Variants in PRKN observed in about 807,000 individuals in gnomAD.
The protein encoded by PRKN is E3 ubiquitin-protein ligase parkin.
Under a neutral mutation model 59.5 loss-of-function variants are expected in PRKN, and 56 were observed. That is an observed-to-expected ratio of 0.94 (90% CI 0.76 to 1.18). The LOEUF (loss-of-function observed/expected upper bound fraction) is 1.18, where lower values mean the gene tolerates loss of function less well. Ranked by LOEUF, PRKN falls within the 50% of genes most tolerant of loss-of-function variation. The pLI, the probability that PRKN is intolerant of heterozygous loss-of-function variation, is 0.00. For synonymous variants in PRKN, 250 were observed against 222.1 expected (o/e 1.13, Z -1.12); for missense variants, 657 against 596.4 (o/e 1.10, Z -1.06).
chr6:162,303,905 T>A (rs545611782), intron 2 of PRKN, among the ~76,000 whole-genome samples: 1 of 152,116 alleles, frequency 6.6e-6, no homozygotes, highest in Admixed American at 6.6e-5. Flanking sequence ...AGGATAGGAA[T>A]GAGGAGGGAG....
At chr6:161,815,434 C>T (rs940843318) in intron 6 of PRKN, among the ~76,000 whole-genome samples, 5 of 152,096 alleles carry the variant, frequency 3.3e-5, no homozygotes, top group South Asian at 2.1e-4. Flanking sequence ...ACTTTTTGTT[C>T]CTGGTGGTTA....
chr6:162,613,517 G>A (rs1006851997), intron 1 of PRKN, among the ~76,000 whole-genome samples: 13 of 152,100 alleles, frequency 8.5e-5, no homozygotes, highest in African/African-American at 2.4e-4. Flanking sequence ...GTTGTTTAAC[G>A]GTGAGCTGCC....
At chr6:162,521,742 A>T (rs1318377565) in intron 1 of PRKN, among the ~76,000 whole-genome samples, 1 of 152,120 alleles carries the variant, frequency 6.6e-6, no homozygotes, top group Non-Finnish European at 1.5e-5. Flanking sequence ...AGTTTTGTCA[A>T]CCAAATACTT....
intron 1 of PRKN, among the ~76,000 whole-genome samples, chr6:162,539,716 G>A (rs532516226): frequency 1.3e-5 from 2 of 152,202 alleles, no homozygotes; most frequent in East Asian, 1.9e-4. Flanking sequence ...TCACATCTAC[G>A]TAGAGAAAAT....
rs543719868 is a variant in PRKN, at chr6:161,759,313, T to C, written c.871+26459A>G. Among the ~76,000 whole-genome samples the C allele has an allele frequency of 4.6e-5, 7 of 152,234 alleles. No homozygotes were observed. In the East Asian group the frequency reaches 1.4e-3, roughly 29 times the overall value. On this transcript the variant is annotated intron_variant, in intron 7 of 11. Transcript: ENST00000366898. The stretch of plus-strand genomic sequence containing the variant: ...CGCCTGCATCTTCCCCCTCAGTAAC[T>C]AGGATCTAGGGGCTTCCTAGGTCAG...
intron 4 of PRKN, among the ~76,000 whole-genome samples, chr6:162,125,798 T>G (rs1781101607): frequency 1.3e-5 from 2 of 152,196 alleles, no homozygotes; most frequent in African/African-American, 2.4e-5. Context: ...TCAATAAGTA[T>G]TTGTTGAATG....
chr6:161,520,246 A>G (rs188977938), intron 9 of PRKN, among the ~76,000 whole-genome samples: 1,972 of 42,762 alleles, frequency 0.046, 48 homozygotes, highest in African/African-American at 0.11. Context: ...TTTTTTTGAG[A>G]AAGAGTCTTG....
intron 9 of PRKN, among the ~76,000 whole-genome samples, chr6:161,494,098 C>G (rs1292852696): frequency 6.6e-6 from 1 of 152,220 alleles, no homozygotes. Context: ...CTTGCAGACA[C>G]AGCCTATACT....
chr6:162,516,811 A>G (rs1019534691), intron 1 of PRKN, among the ~76,000 whole-genome samples: 5 of 152,044 alleles, frequency 3.3e-5, no homozygotes, highest in Admixed American at 2.0e-4. Flanking sequence ...AACATTTCTT[A>G]TTGAAACATT....
chr6:161,429,596 C>G lies in PRKN; in HGVS notation c.1084-42719G>C, dbSNP rs572467602. Among the ~76,000 whole-genome samples, 52 of 152,104 alleles carry G rather than the reference C, an allele frequency of 3.4e-4. No individual in the cohort carries two copies. Among genetic ancestry groups the G allele is most frequent in the African/African-American group, 1.2e-3 (49 of 41,478 alleles). On this transcript the variant is annotated intron_variant, in intron 9 of 11. Transcript: ENST00000366898. This position sits in a 1 kb window ranked among gnomAD's most constrained non-coding sequence, Gnocchi z 4.2. ...GAACTAGAAGAACCTGGATGTGAAG[C>G]GGGAGGGCCAGGGAGGCCACGGAGA...
chr6:161,672,330 C>T (rs766722855), intron 7 of PRKN, among the ~76,000 whole-genome samples: 17 of 152,184 alleles, frequency 1.1e-4, no homozygotes, highest in Non-Finnish European at 2.4e-4. Flanking sequence ...GATAATAAAA[C>T]TTTATGCCCA....
In PRKN at chr6:162,151,494, G is replaced by C. The variant is rs556873462; in HGVS notation, c.534+49637C>G. Among the ~76,000 whole-genome samples, 5 of 152,278 alleles carry C rather than the reference G, an allele frequency of 3.3e-5. No individual in the cohort carries two copies. In the South Asian group the frequency reaches 1.0e-3, roughly 32 times the overall value. ...TGAAGCTAAAATGTTTAGTTGAATA[G>C]TCATCTTTTCCTCTTCTTATCTAGC... On this transcript the variant is annotated intron_variant, in intron 4 of 11. Transcript: ENST00000366898.
chr6:162,290,212 C>T (rs183363312), intron 2 of PRKN, among the ~76,000 whole-genome samples: 7 of 152,218 alleles, frequency 4.6e-5, no homozygotes, highest in Non-Finnish European at 8.8e-5. Context: ...AGGGATTGTA[C>T]ACGCTGAAAA....
intron 4 of PRKN, among the ~76,000 whole-genome samples, chr6:162,143,862 A>G (rs377475585): frequency 6.6e-6 from 1 of 152,228 alleles, no homozygotes. Context: ...CCAGGCACAG[A>G]GAACTCATGG....
At chr6:161,996,366 G>C (rs965472175) in intron 5 of PRKN, among the ~76,000 whole-genome samples, 4 of 152,114 alleles carry the variant, frequency 2.6e-5, no homozygotes, top group African/African-American at 7.2e-5. Context: ...TTATTGAACT[G>C]ACCCAAATAA....
At chr6:161,817,378 G>A (rs926457887) in intron 6 of PRKN, among the ~76,000 whole-genome samples, 1 of 152,166 alleles carries the variant, frequency 6.6e-6, no homozygotes, top group African/African-American at 2.4e-5. Flanking sequence ...CCCATGCCCA[G>A]TCCCCAGGGA....
In PRKN at chr6:161,388,014, G is replaced by C. The variant is rs963779769; in HGVS notation, c.1084-1137C>G. Among the ~76,000 whole-genome samples, 1 of 152,232 alleles carries C rather than the reference G, an allele frequency of 6.6e-6. No individual in the cohort carries two copies. The highest frequency in any genetic ancestry group is 1.5e-5 in the Non-Finnish European group (1 of 68,038). ...GGAAGAGTGAATGCCAGAGAGGCTC[G>C]TTTAGGGCTGTCTGTCTGGGATCCA... is the stretch of plus-strand genomic sequence containing the variant. On this transcript the variant is annotated intron_variant, in intron 9 of 11. Coordinates refer to ENST00000366898, the MANE Select transcript of PRKN (RefSeq NM_004562.3). The surrounding 1 kb of genome is among the most constrained non-coding windows in gnomAD (Gnocchi z 4.3).
intron 9 of PRKN, among the ~76,000 whole-genome samples, chr6:161,415,674 T>G (rs1438316561): frequency 7.3e-6 from 1 of 137,348 alleles, no homozygotes; most frequent in Non-Finnish European, 1.5e-5. Flanking sequence ...GTTGCTGCAA[T>G]AGTCTAATCT....
At chr6:161,573,795 T>TATATAA (rs1562535146) in intron 7 of PRKN, among the ~76,000 whole-genome samples, 2 of 98,626 alleles carry the variant, frequency 2.0e-5, no homozygotes, top group Admixed American at 1.2e-4. Flanking sequence ...TATATATATA[T>TATATAA]AAAACTTCAT....
Sources: gnomAD v4.1 joint callset for allele counts (sites outside exome capture counted in the v4.1 genomes callset) on GRCh38, gnomAD v4.1.1 for gene constraint, Gnocchi (gnomAD v3.1) non-coding constraint, MANE v1.5 for transcripts, NCBI Gene and HGNC (gene_info 2026-07-23, HGNC 2026-07-21) for gene names.